Variants in PARVA observed in about 807,000 individuals in gnomAD.
The protein encoded by PARVA is alpha-parvin.
Under a neutral mutation model 52.6 loss-of-function variants are expected in PARVA, and 25 were observed. That is an observed-to-expected ratio of 0.48 (90% CI 0.35 to 0.66). The LOEUF (loss-of-function observed/expected upper bound fraction) is 0.66. Among genes scored for constraint, PARVA ranks in the 30% least tolerant of loss-of-function variants. PARVA has a pLI of 0.01. For missense variants in PARVA, 373 were observed against 450.9 expected (o/e 0.83, Z 1.56); for synonymous variants, 185 against 179.1 (o/e 1.03, Z -0.26).
chr11:12,504,129 C>A (rs1027916399), intron 5 of PARVA, among the ~76,000 whole-genome samples, 185 bp from the exon 6 acceptor site: 1 of 152,158 alleles, frequency 6.6e-6, no homozygotes, highest in Non-Finnish European at 1.5e-5. Context: ...GATCCACCCC[C>A]ACAATCCAAA....
chr11:12,453,123 G>T, intron 1 of PARVA: 1 of 440,902 alleles, frequency 2.3e-6, no homozygotes. Flanking sequence ...CTCGTCTCTG[G>T]GGTTTGAGTT....
rs571768846 is a variant in PARVA at position 12,415,332 on chromosome 11, T to C, written c.136+37549T>C. On this transcript the variant is annotated intron_variant, in intron 1 of 12. Transcript: ENST00000334956. ...TTCGTGTGTCATATGCTAAGCTTTC[T>C]CCTAGGCCTTTCATTTTTGTAAATC... is the stretch of plus-strand genomic sequence containing the variant. 3.3e-5 allele frequency among the ~76,000 whole-genome samples: 5 copies of C among 152,304 alleles called. No homozygotes were observed. In the East Asian group the frequency reaches 9.6e-4, roughly 29 times the overall value.
In PARVA at chr11:12,406,661, G is replaced by GTTTTTTTTTTTTTTTTTTTTTTTTTT. The variant is rs571973101; in HGVS notation, c.136+28880_136+28905dup. Among the ~76,000 whole-genome samples the GTTTTTTTTTTTTTTTTTTTTTTTTTT allele has an allele frequency of 2.1e-4, 16 of 77,792 alleles. 1 individual carries two copies. Among genetic ancestry groups the GTTTTTTTTTTTTTTTTTTTTTTTTTT allele is most frequent in the Non-Finnish European group, 2.8e-4 (11 of 39,698 alleles). The allele number at this position is 77,792 out of a possible 152,430, so 51.0% of individuals were successfully genotyped here. ...ATTGTTAGCTATTTAGGTTGTATCTGTTTTTTTTTTTTTTTTTTTTTTTTT... is the reference window on the plus strand; with the variant it reads ...ATTGTTAGCTATTTAGGTTGTATCTGTTTTTTTTTTTTTTTTTTTTTTTTTTTTTTTTTTTTTTTTTTTTTTTTTTT... On this transcript the variant is annotated intron_variant, in intron 1 of 12. Transcript: ENST00000334956.
At chr11:12,434,196 T>C (rs185575648) in intron 1 of PARVA, among the ~76,000 whole-genome samples, 13 of 152,286 alleles carry the variant, frequency 8.5e-5, no homozygotes, top group Non-Finnish European at 1.5e-4. Context: ...AGTTTTTCCA[T>C]CCTGTTTTGA....
intron 1 of PARVA, among the ~76,000 whole-genome samples, chr11:12,464,897 A>G (rs138792564): frequency 1.3e-5 from 2 of 152,264 alleles, no homozygotes; most frequent in African/African-American, 2.4e-5. Flanking sequence ...TTCCATGGAC[A>G]TGGGGTTGGG....
chr11:12,482,254 A>G (rs1052322918), intron 4 of PARVA, among the ~76,000 whole-genome samples: 7 of 152,074 alleles, frequency 4.6e-5, no homozygotes, highest in South Asian at 2.1e-4. Flanking sequence ...CTAGAGGCAG[A>G]AGTGTGTGAG....
At chr11:12,527,805 T>C (rs1298544439) in intron 12 of PARVA, 44 bp from the exon 13 acceptor site, 3 of 1,450,906 alleles carry the variant, frequency 2.1e-6, no homozygotes, top group Admixed American at 1.7e-5. Context: ...CTTTGGAACA[T>C]GTGGCCCCAT....
At chr11:12,416,407 A>G (rs913994663) in intron 1 of PARVA, among the ~76,000 whole-genome samples, 1 of 152,222 alleles carries the variant, frequency 6.6e-6, no homozygotes, top group Non-Finnish European at 1.5e-5. Context: ...CTTGCCAAAA[A>G]CTAATGGATC....
At chr11:12,454,684 A>C (rs1365403) in intron 1 of PARVA, among the ~76,000 whole-genome samples, 13,507 of 152,122 alleles carry the variant, frequency 0.089, 665 homozygotes, top group Middle Eastern at 0.12. Context: ...ACAATGATCA[A>C]TCCATGGCCA....
At chr11:12,418,915 T>C (rs1048249560) in intron 1 of PARVA, among the ~76,000 whole-genome samples, 2 of 152,158 alleles carry the variant, frequency 1.3e-5, no homozygotes, top group Non-Finnish European at 2.9e-5. Context: ...CCTTTACATG[T>C]AGTAATTTAC....
intron 1 of PARVA, among the ~76,000 whole-genome samples, chr11:12,461,453 C>T (rs1589966271): frequency 2.0e-5 from 3 of 152,186 alleles, no homozygotes; most frequent in Non-Finnish European, 4.4e-5. Context: ...AAATGGTTCT[C>T]ATTCTCAATC....
chr11:12,404,478 A>AG (rs945302908), intron 1 of PARVA, among the ~76,000 whole-genome samples: 21 of 152,354 alleles, frequency 1.4e-4, no homozygotes, highest in Admixed American at 1.1e-3. Flanking sequence ...CCTTGGTGCT[A>AG]GGACCCAATC....
At chr11:12,432,287 CTT>C (rs1940326447) in intron 1 of PARVA, among the ~76,000 whole-genome samples, 1 of 152,156 alleles carries the variant, frequency 6.6e-6, no homozygotes, top group African/African-American at 2.4e-5. Flanking sequence ...TTCATTAACT[CTT>C]TTTGAAAATA....
intron 1 of PARVA, among the ~76,000 whole-genome samples, chr11:12,435,499 T>C (rs1940375040): frequency 6.6e-6 from 1 of 152,210 alleles, no homozygotes. Context: ...GAAGAGTTCT[T>C]GTTTTTGTCA....
chr11:12,524,412 C>T (rs1035606969), intron 12 of PARVA, among the ~76,000 whole-genome samples: 5 of 152,176 alleles, frequency 3.3e-5, no homozygotes, highest in African/African-American at 1.2e-4. Context: ...TTAAAACATT[C>T]TCCCATATTG....
At chr11:12,382,114 A>G (rs185812846) in intron 1 of PARVA, among the ~76,000 whole-genome samples, 1 of 152,364 alleles carries the variant, frequency 6.6e-6, no homozygotes, top group African/African-American at 2.4e-5. Context: ...GCTCACCACA[A>G]TAGCAACAGG....
rs772584177 is a variant in PARVA, at chr11:12,377,582, C to T, written c.-66C>T. On this transcript the variant is annotated 5_prime_UTR_variant, in exon 1 of 13. Transcript: ENST00000334956. ...AAAGCCGCAGCCTCAGTCCCGCCGC[C>T]GCCCGCTGCGTCCGCCCAGCGCCAG... is the stretch of plus-strand genomic sequence containing the variant. The T allele has an allele frequency of 2.7e-6, 4 of 1,500,008 alleles. No individual in the cohort carries two copies. Among genetic ancestry groups the T allele is most frequent in the East Asian group, 2.9e-5 (1 of 34,986 alleles). The allele number at this position is 1,500,008 out of a possible 1,614,324, so 92.9% of individuals were successfully genotyped here.
At chr11:12,453,281 C>T (rs1769860718) in intron 1 of PARVA, among the ~76,000 whole-genome samples, 1 of 151,954 alleles carries the variant, frequency 6.6e-6, no homozygotes, top group Non-Finnish European at 1.5e-5. Context: ...TGAAGATGAA[C>T]AAAGAAATGA....
At chr11:12,438,132 C>T (rs1041167771) in intron 1 of PARVA, among the ~76,000 whole-genome samples, 19 of 151,806 alleles carry the variant, frequency 1.3e-4, no homozygotes, top group African/African-American at 2.9e-4. Flanking sequence ...TGGTGGCGGG[C>T]GCCTGTAGTC....
Sources: allele counts gnomAD v4.1 joint callset (sites outside exome capture counted in the v4.1 genomes callset), GRCh38; gene constraint gnomAD v4.1.1; transcripts MANE v1.5; gene names NCBI Gene and HGNC (gene_info 2026-07-23, HGNC 2026-07-21).